RBL1: variants seen among roughly 807,000 people sequenced by gnomAD.
RBL1 encodes retinoblastoma-like protein 1.
Under a neutral mutation model 123.0 loss-of-function variants are expected in RBL1, and 82 were observed. The observed-to-expected ratio is 0.67, with a 90% confidence interval of 0.56 to 0.80. The LOEUF (loss-of-function observed/expected upper bound fraction) is 0.80. Ranked by LOEUF, RBL1 falls within the 30% of genes least tolerant of loss-of-function variation. The pLI is 0.00. For synonymous variants in RBL1, 405 were observed against 441.3 expected (o/e 0.92, Z 1.03); for missense variants, 1,171 against 1,299.6 (o/e 0.90, Z 1.52).
intron 13 of RBL1, among the ~76,000 whole-genome samples, chr20:37,041,670 A>G (rs916584232): frequency 5.3e-5 from 8 of 152,174 alleles, no homozygotes; most frequent in African/African-American, 1.7e-4. Flanking sequence ...AAAGTGTTCA[A>G]TCTTTATACA....
chr20:37,090,344 T>G (rs1378527733), intron 1 of RBL1, among the ~76,000 whole-genome samples: 1 of 152,196 alleles, frequency 6.6e-6, no homozygotes, highest in Non-Finnish European at 1.5e-5. Flanking sequence ...TCCCTGTCAT[T>G]AAGTGAAGCA....
rs112352308 is a variant in RBL1 at position 37,052,768 on chromosome 20, C to G, written c.1467+2785G>C. Among the ~76,000 whole-genome samples the G allele has an allele frequency of 3.2e-3, 488 of 152,230 alleles. 7 individuals are homozygous for G. The highest frequency in any genetic ancestry group is 0.011 in the African/African-American group (474 of 41,540). The stretch of plus-strand genomic sequence containing the variant: ...CAGGTGATCCACTTGCCTCAGTCTC[C>G]TAAAGTGCTAGGATTAGAGATGTGA... On this transcript the variant is annotated intron_variant, in intron 11 of 21. Coordinates refer to ENST00000373664, the MANE Select transcript of RBL1 (RefSeq NM_002895.5).
intron 1 of RBL1, among the ~76,000 whole-genome samples, chr20:37,089,590 G>T (rs1290050109): frequency 6.6e-6 from 1 of 151,704 alleles, no homozygotes; most frequent in Non-Finnish European, 1.5e-5. Context: ...ACTGCAGTGA[G>T]CTATGTTTGT....
intron 16 of RBL1, among the ~76,000 whole-genome samples, chr20:37,028,966 T>C (rs2064464450): frequency 1.3e-5 from 2 of 152,094 alleles, no homozygotes; most frequent in African/African-American, 4.8e-5. Context: ...TAAATACTAG[T>C]AAAACAAATT....
chr20:37,058,130 C>CAA lies in RBL1; in HGVS notation c.1251-1874_1251-1873dup, dbSNP rs1568865641. Among the ~76,000 whole-genome samples, 3 of 116,800 alleles carry CAA rather than the reference C, an allele frequency of 2.6e-5. 1 individual carries two copies. The highest frequency in any genetic ancestry group is 9.0e-5 in the Admixed American group (1 of 11,084). The allele number at this position is 116,800 out of a possible 152,430, so 76.6% of individuals were successfully genotyped here. On this transcript the variant is annotated intron_variant, in intron 9 of 21. Transcript: ENST00000373664. ...AAACTCTGTCTAAAAAAAAAAAAAA[C>CAA]AAAACAAAACAAAAAAAAAAAAGCC...
Position 37,035,507 on chromosome 20 carries a change from A to G in RBL1, c.1905T>C (p.Asp635=), listed in dbSNP as rs779142697. The part of the protein sequence containing the change: ...VRTDSGSLRR[D]MQPLSPISVH... The stretch of plus-strand genomic sequence containing the variant: ...CAGAAATTGGAGACAATGGTTGCAT[A>G]TCTAAAAAAAAATAATAAATTTAAA... Residue 635 remains aspartate, a splice_region_variant and synonymous_variant, in exon 15 of 22, where the codon GAT becomes GAC. Coordinates refer to ENST00000373664, the MANE Select transcript of RBL1 (RefSeq NM_002895.5). 6.4e-7 allele frequency: 1 copy of G among 1,552,552 alleles called. No individual in the cohort carries two copies. The highest frequency in any genetic ancestry group is 2.3e-5 in the East Asian group (1 of 43,782).
intron 2 of RBL1, among the ~76,000 whole-genome samples, chr20:37,069,207 G>A (rs2065237242): frequency 6.6e-6 from 1 of 152,174 alleles, no homozygotes; most frequent in Admixed American, 6.5e-5. Context: ...CCTCCCAGCC[G>A]CCTGCCTTGG....
At chr20:37,005,894 C>CTTTTTTTTTTTTTTTTTTTTTCT (rs1013303071) in intron 20 of RBL1, among the ~76,000 whole-genome samples, 1 of 98,142 alleles carries the variant, frequency 1.0e-5, no homozygotes, top group Non-Finnish European at 1.9e-5. Context: ...TTTTTTCTTT[C>CTTTTTTTTTTTTTTTTTTTTTCT]TTTTTTTTTT....
At chr20:37,064,190 T>C (rs1226753800) in intron 7 of RBL1, among the ~76,000 whole-genome samples, 1 of 147,530 alleles carries the variant, frequency 6.8e-6, no homozygotes, top group Non-Finnish European at 1.5e-5. Flanking sequence ...CAGGCTGGAG[T>C]GCAGTGGTGC....
At chr20:37,091,975 G>A (rs1247698622) in intron 1 of RBL1, among the ~76,000 whole-genome samples, 2 of 152,128 alleles carry the variant, frequency 1.3e-5, no homozygotes, top group East Asian at 1.9e-4. Context: ...GGTCATGGTG[G>A]CTTACGCATG....
chr20:37,010,968 A>C (rs911015617), intron 19 of RBL1, among the ~76,000 whole-genome samples: 1 of 152,162 alleles, frequency 6.6e-6, no homozygotes, highest in African/African-American at 2.4e-5. Context: ...GGTGTGAGCC[A>C]CCATGCCCAG....
chr20:37,054,550 C>G (rs1370346825), intron 11 of RBL1, among the ~76,000 whole-genome samples: 3 of 151,688 alleles, frequency 2.0e-5, no homozygotes, highest in African/African-American at 7.3e-5. Flanking sequence ...CTTCTTTCAG[C>G]TGGGTGAGGT....
rs747402796 is a variant in RBL1, at chr20:37,003,808, C to T, written c.2930G>A (p.Arg977His). 7 of 1,613,754 alleles carry T rather than the reference C, an allele frequency of 4.3e-6. No homozygotes were observed. Among genetic ancestry groups the T allele is most frequent in the East Asian group, 2.2e-5 (1 of 44,868 alleles). Residue 977 changes from arginine to histidine, a missense_variant, in exon 21 of 22, where the codon CGC becomes CAC. Arg to His is a conservative substitution (Grantham distance 29). Transcript: ENST00000373664. ...AATGGAGTGCTGCTGGGAAATGCGG[C>T]GTGGTGAGCCTGGCTGTTGTTTAAT... The part of the protein sequence containing the change: ...PHIKQQPGSP[R>H]RISQQHSIYI...
chr20:37,035,399 C>CTT lies in RBL1; in HGVS notation c.2012_2013insAA (p.Met671IlefsTer6). On this transcript the variant is annotated frameshift_variant, in exon 15 of 22. Transcript: ENST00000373664. LOFTEE classifies it high-confidence loss of function. The stretch of plus-strand genomic sequence containing the variant: ...TTGTTCCTTCTGTTATGATCTTGTC[C>CTT]ATAAGCATTTCCTTTGGGGGGTCCT... 6.2e-7 allele frequency: 1 copy of CTT among 1,614,088 alleles called. No individual in the cohort carries two copies. Among genetic ancestry groups the CTT allele is most frequent in the South Asian group, 1.1e-5 (1 of 91,070 alleles).
intron 1 of RBL1, among the ~76,000 whole-genome samples, chr20:37,093,519 G>A (rs1377304483): frequency 6.6e-6 from 1 of 152,106 alleles, no homozygotes; most frequent in African/African-American, 2.4e-5. Context: ...CATGCCTATA[G>A]TCCCAGCTAC....
chr20:37,012,583 C>G (rs2146211479), intron 19 of RBL1, among the ~76,000 whole-genome samples: 1 of 151,012 alleles, frequency 6.6e-6, no homozygotes, highest in East Asian at 2.0e-4. Context: ...AGGAGCGTCT[C>G]TGCCCAGCCG....
chr20:37,054,441 G>A (rs558865881), intron 11 of RBL1, among the ~76,000 whole-genome samples: 46 of 151,914 alleles, frequency 3.0e-4, no homozygotes, highest in South Asian at 1.5e-3. Context: ...CCAAGATCGC[G>A]CCACTGCACT....
intron 19 of RBL1, among the ~76,000 whole-genome samples, chr20:37,016,501 A>G (rs1312031923): frequency 1.3e-5 from 2 of 152,242 alleles, no homozygotes; most frequent in African/African-American, 2.4e-5. Context: ...AGTGGACACC[A>G]TAATGATTAT....
At chr20:37,017,620 TTGTGTG>T (rs147347259) in intron 19 of RBL1, among the ~76,000 whole-genome samples, 9 of 139,722 alleles carry the variant, frequency 6.4e-5, no homozygotes, top group South Asian at 4.6e-4. Context: ...GGACATTTTC[TTGTGTG>T]TGTGTGTGTG....
Sources: gnomAD v4.1 joint callset for allele counts (sites outside exome capture counted in the v4.1 genomes callset) on GRCh38, gnomAD v4.1.1 for gene constraint, MANE v1.5 for transcripts, NCBI Gene and HGNC (gene_info 2026-07-23, HGNC 2026-07-21) for gene names.